P4HA3: variants seen among roughly 807,000 people sequenced by gnomAD.
The protein encoded by P4HA3 is prolyl 4-hydroxylase subunit alpha 3.
P4HA3 carries 60 observed loss-of-function variants against 66.7 expected under a neutral mutation model. That is an observed-to-expected ratio of 0.90 (90% CI 0.73 to 1.12). P4HA3 has a LOEUF of 1.12. Ranked by LOEUF, P4HA3 falls within the 50% of genes most tolerant of loss-of-function variation. P4HA3 has a pLI of 0.00. For synonymous variants in P4HA3, 263 were observed against 274.6 expected (o/e 0.96, Z 0.42); for missense variants, 683 against 685.8 (o/e 1.00, Z 0.05).
chr11:74,296,935 T>C (rs1043978871), intron 4 of P4HA3, among the ~76,000 whole-genome samples: 8 of 67,512 alleles, frequency 1.2e-4, no homozygotes, highest in African/African-American at 4.4e-4. Context: ...TCTTTTTTTC[T>C]TTTTTTTTTT....
chr11:74,307,828 G>A (rs1036635477), intron 1 of P4HA3, among the ~76,000 whole-genome samples: 3 of 152,070 alleles, frequency 2.0e-5, no homozygotes, highest in African/African-American at 7.2e-5. Context: ...ACTTCAATAT[G>A]TTTTGCCTTT....
intron 4 of P4HA3, among the ~76,000 whole-genome samples, chr11:74,291,447 T>C (rs1861020385): frequency 6.6e-6 from 1 of 152,210 alleles, no homozygotes; most frequent in South Asian, 2.1e-4. Flanking sequence ...TTCCTTCTCC[T>C]GCCTGATTGC....
At chr11:74,260,982 C>G (rs1053731967) in intron 14 of P4HA3, among the ~76,000 whole-genome samples, 3 of 152,178 alleles carry the variant, frequency 2.0e-5, no homozygotes, top group African/African-American at 7.2e-5. Flanking sequence ...AGCGATGCCC[C>G]CTGCCCAGGC....
chr11:74,253,061 A>G (rs1240866420), intron 15 of P4HA3, among the ~76,000 whole-genome samples: 1 of 152,176 alleles, frequency 6.6e-6, no homozygotes, highest in Non-Finnish European at 1.5e-5. Flanking sequence ...AAGAAATATT[A>G]AGAAAAGGAA....
chr11:74,282,744 G>C (rs767192768), intron 7 of P4HA3, among the ~76,000 whole-genome samples: 10 of 152,192 alleles, frequency 6.6e-5, no homozygotes, highest in Non-Finnish European at 1.3e-4. Context: ...TGACTGGGGA[G>C]ACAGGATGCT....
intron 4 of P4HA3, among the ~76,000 whole-genome samples, chr11:74,293,826 T>C (rs1050342448): frequency 6.6e-6 from 1 of 152,254 alleles, no homozygotes; most frequent in African/African-American, 2.4e-5. Flanking sequence ...GCTGTTAGTC[T>C]AATGGGCTTC....
At chr11:74,283,250 A>T (rs775664688) in intron 7 of P4HA3, among the ~76,000 whole-genome samples, 1 of 152,104 alleles carries the variant, frequency 6.6e-6, no homozygotes, top group Non-Finnish European at 1.5e-5. Flanking sequence ...ATTTAAATCA[A>T]CGTCTCTGGG....
At chr11:74,304,084 G>T (rs1014025371) in intron 2 of P4HA3, among the ~76,000 whole-genome samples, 186 bp downstream of exon 2, 1 of 152,116 alleles carries the variant, frequency 6.6e-6, no homozygotes, top group African/African-American at 2.4e-5. Context: ...TGCTTTCTAA[G>T]GTATAATCAT....
intron 2 of P4HA3, among the ~76,000 whole-genome samples, chr11:74,303,012 C>T (rs1273833743): frequency 1.3e-5 from 2 of 151,878 alleles, no homozygotes; most frequent in East Asian, 1.9e-4. Context: ...AGCACACTGG[C>T]ATGATCATAG....
At chr11:74,282,524 G>A (rs570648326) in intron 7 of P4HA3, among the ~76,000 whole-genome samples, 104 of 152,286 alleles carry the variant, frequency 6.8e-4, no homozygotes, top group Admixed American at 1.6e-3. Flanking sequence ...CAGCTGGAGC[G>A]TCAAGTGCCG....
chr11:74,304,938 C>A (rs1282450327), intron 1 of P4HA3, among the ~76,000 whole-genome samples: 1 of 152,028 alleles, frequency 6.6e-6, no homozygotes, highest in Non-Finnish European at 1.5e-5. Flanking sequence ...CATCAGGTAC[C>A]AGTTAGATTC....
At chr11:74,306,122 C>T (rs571294091) in intron 1 of P4HA3, among the ~76,000 whole-genome samples, 33 of 152,110 alleles carry the variant, frequency 2.2e-4, no homozygotes, top group African/African-American at 7.7e-4. Flanking sequence ...ACCACGACAG[C>T]GATGGAGAAT....
chr11:74,310,524 A>G (rs979949374), intron 1 of P4HA3, among the ~76,000 whole-genome samples: 3 of 152,214 alleles, frequency 2.0e-5, no homozygotes, highest in African/African-American at 7.2e-5. Context: ...ATGTGTAAAG[A>G]GAAGGAAGAA....
In P4HA3 at chr11:74,267,105, G is replaced by C; in HGVS notation, c.*143C>G. 1 of 1,543,190 alleles carries C rather than the reference G, an allele frequency of 6.5e-7. No homozygotes were observed. The highest frequency in any genetic ancestry group is 1.2e-5 in the South Asian group (1 of 84,472). On this transcript the variant is annotated 3_prime_UTR_variant, in exon 13 of 13. Coordinates refer to ENST00000331597, the MANE Select transcript of P4HA3 (RefSeq NM_182904.5). The stretch of plus-strand genomic sequence containing the variant: ...GTCCCCTGGTAACAACCTCTCCCTT[G>C]CCTCTGATTTGCGAGGCACAGACAA...
At chr11:74,257,234 C>T (rs1198101895) in intron 15 of P4HA3, among the ~76,000 whole-genome samples, 2 of 152,154 alleles carry the variant, frequency 1.3e-5, no homozygotes, top group Non-Finnish European at 2.9e-5. Context: ...AAGCAATTCT[C>T]CTGCCTCAGC....
In P4HA3 at chr11:74,285,973, G is replaced by C; in HGVS notation, c.946C>G (p.Gln316Glu). 1.2e-6 allele frequency: 2 copies of C among 1,607,252 alleles called. No individual in the cohort carries two copies. The highest frequency in any genetic ancestry group is 1.3e-5 in the African/African-American group (1 of 74,814). ...TAGGAACAGTAGAGGCTAGGGATCT[G>C]GTAGAGAGTGGGCTGGAAGGAAAGA... ...QTLGSQPTLY[Q>E]IPSLYCSYET... Residue 316 changes from glutamine to glutamate, a missense_variant, in exon 7 of 13, where the codon CAG (glutamine) becomes GAG (glutamate). Transcript: ENST00000331597.
intron 15 of P4HA3, among the ~76,000 whole-genome samples, chr11:74,255,713 C>A (rs1386106229): frequency 6.6e-6 from 1 of 152,188 alleles, no homozygotes; most frequent in Non-Finnish European, 1.5e-5. Context: ...CGTCTGTGGG[C>A]CAATAGCATC....
chr11:74,301,344 C>T (rs558456697), intron 3 of P4HA3, among the ~76,000 whole-genome samples: 2 of 152,140 alleles, frequency 1.3e-5, no homozygotes, highest in South Asian at 2.1e-4. Context: ...TTTCAACATA[C>T]GGTTTTACTT....
At chr11:74,268,683 T>C (rs1050817136) in intron 11 of P4HA3, among the ~76,000 whole-genome samples, 1 of 152,208 alleles carries the variant, frequency 6.6e-6, no homozygotes, top group African/African-American at 2.4e-5. Flanking sequence ...CAGGCACTTA[T>C]GATTAACACT....
Sources: gnomAD v4.1 joint callset for allele counts (sites outside exome capture counted in the v4.1 genomes callset) on GRCh38, gnomAD v4.1.1 for gene constraint, MANE v1.5 for transcripts, NCBI Gene and HGNC (gene_info 2026-07-23, HGNC 2026-07-21) for gene names.